YAE1: variants seen among roughly 807,000 people sequenced by gnomAD.
YAE1 encodes protein YAE1 homolog.
In YAE1, 22 loss-of-function variants were observed where a neutral mutation model predicts 23.0. The observed-to-expected ratio is 0.96, with a 90% CI of 0.68 to 1.37. YAE1 has a LOEUF of 1.37. YAE1 is among the 40% of genes most tolerant of loss of function. YAE1 has a pLI of 0.00. For missense variants in YAE1, 260 were observed against 262.1 expected, an observed-to-expected ratio of 0.99 and a Z score of 0.06; for synonymous variants, 101 against 97.0, an observed-to-expected ratio of 1.04 and a Z score of -0.24.
chr7:39,566,679 C>G (rs1790474345), intron 1 of YAE1, 132 bp downstream of exon 1: 5 of 1,241,296 alleles, frequency 4.0e-6, no homozygotes, highest in South Asian at 1.7e-5. Flanking sequence ...CGGTCCGACC[C>G]GCGTCTTGCT....
At position 39,566,448 on chromosome 7, in the gene YAE1, C is replaced by A. The variant is rs754198513; in HGVS notation, c.30C>A (p.Ile10=). 2.5e-6 allele frequency: 4 copies of A among 1,614,188 alleles called. No homozygotes were observed. The highest frequency in any genetic ancestry group is 3.4e-6 in the Non-Finnish European group (4 of 1,180,020). The change falls in exon 1 of 3, where the codon ATC becomes ATA. Residue 10 remains isoleucine (I), a synonymous_variant. Transcript: ENST00000223273. ...CGTGGGTTCAAGCAGCCTCCTTGAT[C>A]CAGGGCCCTGGAGACAAAGGGGACG... MSWVQAASL[I]QGPGDKGDVF...
In YAE1 at chr7:39,596,132, G is replaced by A. The variant is rs144277313; in HGVS notation, c.252-13485G>A. Among the ~76,000 whole-genome samples, 28 of 152,266 alleles carry A rather than the reference G, an allele frequency of 1.8e-4. 2 individuals are homozygous for A. The highest frequency in any genetic ancestry group is 1.6e-3 in the Admixed American group (24 of 15,288). Reference sequence around the variant, plus strand: ...TTTGCAAAAGAGAGGCATTTATCACGTGGAACAGTTGAAAAGTAACAAAAT... The same window carrying A: ...TTTGCAAAAGAGAGGCATTTATCACATGGAACAGTTGAAAAGTAACAAAAT... On this transcript the variant is annotated intron_variant, in intron 2 of 2. Coordinates refer to the YAE1 transcript ENST00000432096.
At chr7:39,575,836 A>C (rs943658177), downstream of YAE1, among the ~76,000 whole-genome samples, 1 of 152,222 alleles carries the variant, frequency 6.6e-6, no homozygotes, top group African/African-American at 2.4e-5. Context: ...ACAACTGTCC[A>C]TCACTGACTT....
chr7:39,592,889 A>G (rs575165238), intron 2 of YAE1, among the ~76,000 whole-genome samples: 2 of 152,264 alleles, frequency 1.3e-5, no homozygotes, highest in South Asian at 4.1e-4. Flanking sequence ...AAATTCGGAA[A>G]CACTTTGGCC....
At chr7:39,572,230 T>C in intron 2 of YAE1, 47 bp from the exon 3 acceptor site, 1 of 1,521,082 alleles carries the variant, frequency 6.6e-7, no homozygotes, top group South Asian at 1.3e-5. Context: ...GTCTTATATT[T>C]TTAAGTCCTA....
intron 1 of YAE1, among the ~76,000 whole-genome samples, chr7:39,568,936 C>A (rs1222421876): frequency 6.6e-6 from 1 of 152,128 alleles, no homozygotes; most frequent in African/African-American, 2.4e-5. Flanking sequence ...ATATATATTT[C>A]TTGAGACAGT....
intron 2 of YAE1, among the ~76,000 whole-genome samples, chr7:39,571,707 G>C (rs1010796442): frequency 4.6e-5 from 7 of 152,080 alleles, no homozygotes; most frequent in African/African-American, 1.7e-4. Flanking sequence ...TATTAAATCT[G>C]TTAGGACTAG....
At chr7:39,602,286 A>C (rs532610656) in intron 2 of YAE1, among the ~76,000 whole-genome samples, 7 of 152,332 alleles carry the variant, frequency 4.6e-5, no homozygotes, top group African/African-American at 1.7e-4. Context: ...GAAAGGTAGA[A>C]TATTCCAGCC....
At chr7:39,578,444 G>C (rs988489188) in intron 2 of YAE1, among the ~76,000 whole-genome samples, 8 of 152,198 alleles carry the variant, frequency 5.3e-5, no homozygotes, top group African/African-American at 1.4e-4. Flanking sequence ...TTGTTCTTTT[G>C]CTGTTTGCAA....
At chr7:39,606,106 A>T (rs951940105) in intron 2 of YAE1, among the ~76,000 whole-genome samples, 1 of 152,012 alleles carries the variant, frequency 6.6e-6, no homozygotes, top group Non-Finnish European at 1.5e-5. Context: ...ACAACTTTGA[A>T]ATCTCATTAT....
chr7:39,570,978 A>C (rs2115772007), intron 2 of YAE1: 2 of 168,676 alleles, frequency 1.2e-5, no homozygotes, highest in Non-Finnish European at 2.5e-5. Flanking sequence ...ACATGATGAA[A>C]ATAGTTGGTA....
At chr7:39,580,429 T>C (rs1052400225) in intron 2 of YAE1, among the ~76,000 whole-genome samples, 40 of 152,238 alleles carry the variant, frequency 2.6e-4, no homozygotes, top group Non-Finnish European at 4.8e-4. Flanking sequence ...GTCTGCTCTT[T>C]CCAAAAAGAA....
At chr7:39,582,549 G>T (rs1790761016) in intron 2 of YAE1, among the ~76,000 whole-genome samples, 1 of 152,062 alleles carries the variant, frequency 6.6e-6, no homozygotes. Context: ...TATCTTATAG[G>T]CCAATATGAG....
At chr7:39,609,604 T>C (rs1562598899) in intron 2 of YAE1, 1 of 1,531,316 alleles carries the variant, frequency 6.5e-7, no homozygotes. Flanking sequence ...TATCCAATTG[T>C]CTATCAAAAC....
chr7:39,580,332 C>G (rs1790721956), intron 2 of YAE1, among the ~76,000 whole-genome samples: 1 of 152,200 alleles, frequency 6.6e-6, no homozygotes, highest in Admixed American at 6.5e-5. Context: ...TAGCTCACCA[C>G]TCACATATGT....
At chr7:39,575,577 A>AGAGTGTGTGTGT (rs1173016799), downstream of YAE1, among the ~76,000 whole-genome samples, 1 of 80,208 alleles carries the variant, frequency 1.2e-5, no homozygotes, top group Admixed American at 1.1e-4. Context: ...AGAGAGAGAG[A>AGAGTGTGTGTGT]GTGAGTGTGT....
At chr7:39,603,455 T>C (rs1053766915) in intron 2 of YAE1, among the ~76,000 whole-genome samples, 4 of 152,138 alleles carry the variant, frequency 2.6e-5, no homozygotes, top group Non-Finnish European at 5.9e-5. Context: ...TGAGTTTTGA[T>C]ATGCAAAAGT....
intron 2 of YAE1, among the ~76,000 whole-genome samples, chr7:39,601,027 A>G (rs376172543): frequency 2.6e-5 from 4 of 152,332 alleles, no homozygotes; most frequent in African/African-American, 4.8e-5. Flanking sequence ...CATCATCTTC[A>G]TATGCTGTGA....
chr7:39,595,714 A>G (rs1790963464), intron 2 of YAE1, among the ~76,000 whole-genome samples: 1 of 152,204 alleles, frequency 6.6e-6, no homozygotes, highest in Non-Finnish European at 1.5e-5. Flanking sequence ...TCCTCCTCCC[A>G]AGTACAATGA....
Sources: allele counts gnomAD v4.1 joint callset (sites outside exome capture counted in the v4.1 genomes callset), GRCh38; gene constraint gnomAD v4.1.1; transcripts MANE v1.5; gene names NCBI Gene and HGNC (gene_info 2026-07-23, HGNC 2026-07-21).